The following CDC45 variants were observed in gnomAD, a reference collection of about 807,000 sequenced individuals.
CDC45 encodes cell division control protein 45 homolog.
In CDC45, 54 loss-of-function variants were observed where a neutral mutation model predicts 77.8. The ratio of observed to expected loss-of-function variants is 0.69; its 90% CI spans 0.56 to 0.87. The LOEUF (loss-of-function observed/expected upper bound fraction) is 0.87. Among genes scored for constraint, CDC45 ranks in the 40% least tolerant of loss-of-function variants. CDC45 has a pLI of 0.00. For synonymous variants in CDC45, 260 were observed against 272.1 expected, an observed-to-expected ratio of 0.96 and a Z score of 0.44; for missense variants, 649 against 721.6, an observed-to-expected ratio of 0.90 and a Z score of 1.15.
chr22:19,481,858 G>A (rs1159636186), intron 3 of CDC45, among the ~76,000 whole-genome samples: 1 of 152,174 alleles, frequency 6.6e-6, no homozygotes, highest in Non-Finnish European at 1.5e-5. Context: ...TTCTAGTAGA[G>A]ACGGGGTTTC....
At chr22:19,482,661 C>T in intron 3 of CDC45, 29 bp from the exon 4 acceptor site, 1 of 1,608,604 alleles carries the variant, frequency 6.2e-7, no homozygotes, top group Non-Finnish European at 8.5e-7. Flanking sequence ...CTCGATATAG[C>T]TACTTTACAA....
intron 5 of CDC45, among the ~76,000 whole-genome samples, chr22:19,491,197 TAC>T (rs1475490901): frequency 6.6e-6 from 1 of 152,182 alleles, no homozygotes; most frequent in Non-Finnish European, 1.5e-5. Flanking sequence ...CCTCCACATA[TAC>T]AGTGTTATAA....
In CDC45 at chr22:19,480,563, T is replaced by TGTGACAACTGTGGGTATAGTC. The variant is rs201363891; in HGVS notation, c.111+350_112-366dup. ...ATGGGGGATTTGAGAGAGAGGAATCTGTGACAACTGTGGGTATAGTCGTGT... is the reference window on the plus strand; with the variant it reads ...ATGGGGGATTTGAGAGAGAGGAATCTGTGACAACTGTGGGTATAGTCGTGACAACTGTGGGTATAGTCGTGT... On this transcript the variant is annotated intron_variant, in intron 2 of 18. Transcript: ENST00000263201. 3.3e-3 allele frequency among the ~76,000 whole-genome samples: 508 copies of TGTGACAACTGTGGGTATAGTC among 152,300 alleles called. 18 individuals are homozygous for TGTGACAACTGTGGGTATAGTC. In the East Asian group the frequency reaches 0.068, roughly 20 times the overall value.
intron 17 of CDC45, among the ~76,000 whole-genome samples, chr22:19,518,075 C>A (rs1933899082): frequency 6.6e-6 from 1 of 152,244 alleles, no homozygotes; most frequent in African/African-American, 2.4e-5. Context: ...CATTGGTTCA[C>A]CCCGCACAGC....
chr22:19,482,691 T>C lies in CDC45; in HGVS notation c.206T>C (p.Phe69Ser), dbSNP rs1476248494. 2 of 1,612,544 alleles carry C rather than the reference T, an allele frequency of 1.2e-6. No individual in the cohort carries two copies. Among genetic ancestry groups the C allele is most frequent in the African/African-American group, 2.7e-5 (2 of 74,832 alleles). The stretch of plus-strand genomic sequence containing the variant: ...TTACAATATCTTCCTTTTTTTCAGT[T>C]TCATTATTTTATTCTCATAAACTGT... The part of the protein sequence containing the change: ...ETAFLEHKEQ[F>S]HYFILINCGA... Residue 69 changes from phenylalanine (F) to serine (S), a missense_variant and splice_region_variant, in exon 4 of 19, where the codon TTT becomes TCT. Phe to Ser is a radical substitution (Grantham distance 155). Coordinates refer to ENST00000263201, the MANE Select transcript of CDC45 (RefSeq NM_003504.5).
chr22:19,481,403 G>T (rs2089980645), intron 3 of CDC45, among the ~76,000 whole-genome samples: 1 of 151,852 alleles, frequency 6.6e-6, no homozygotes, highest in African/African-American at 2.4e-5. Flanking sequence ...TTTTGAAACG[G>T]AGTCTCGCTG....
chr22:19,514,692 A>G, intron 13 of CDC45, 57 bp from the exon 14 acceptor site: 2 of 1,461,526 alleles, frequency 1.4e-6, no homozygotes, highest in South Asian at 2.7e-5. Flanking sequence ...TGACTTTGGT[A>G]TTTTACCAAG....
chr22:19,493,387 C>T (rs896136273), intron 5 of CDC45, among the ~76,000 whole-genome samples: 15 of 151,922 alleles, frequency 9.9e-5, no homozygotes, highest in African/African-American at 3.4e-4. Flanking sequence ...GAGTCCCTAA[C>T]TGCTCTGCCT....
rs1299341008 is a variant in CDC45 at position 19,507,531 on chromosome 22, T to C, written c.956+14T>C. 1 of 1,613,644 alleles carries C rather than the reference T, an allele frequency of 6.2e-7. No homozygotes were observed. The highest frequency in any genetic ancestry group is 8.5e-7 in the Non-Finnish European group (1 of 1,179,844). Reference sequence around the variant, plus strand: ...TGCAGACATGGGGTGAGTGACTGCCTGGGCCTCTGCAGTGCCAGCCCTGGC... The same window carrying C: ...TGCAGACATGGGGTGAGTGACTGCCCGGGCCTCTGCAGTGCCAGCCCTGGC... On this transcript the variant is annotated intron_variant, in intron 11 of 18. Transcript: ENST00000263201.
chr22:19,480,869 C>G, intron 2 of CDC45, 84 bp from the exon 3 acceptor site: 1 of 824,774 alleles, frequency 1.2e-6, no homozygotes, highest in Non-Finnish European at 2.0e-6. Context: ...TGTCTCTCAA[C>G]CCGTCTAATC....
chr22:19,518,993 G>T, intron 18 of CDC45, 84 bp downstream of exon 18: 2 of 1,039,320 alleles, frequency 1.9e-6, no homozygotes, highest in East Asian at 2.4e-5. Context: ...CTCCCTCAAC[G>T]GAGGCTTCTA....
intron 13 of CDC45, among the ~76,000 whole-genome samples, chr22:19,514,392 G>C (rs1933667466): frequency 6.6e-6 from 1 of 152,128 alleles, no homozygotes; most frequent in Admixed American, 6.5e-5. Context: ...TTGTGGGGAA[G>C]AGTAAAAATC....
chr22:19,494,600 C>T (rs2090210277), intron 6 of CDC45: 1 of 1,540,284 alleles, frequency 6.5e-7, no homozygotes, highest in African/African-American at 1.4e-5. Flanking sequence ...CAAGGTCTCC[C>T]AGGTACATGC....
intron 17 of CDC45, among the ~76,000 whole-genome samples, chr22:19,517,667 C>A (rs918723858): frequency 6.6e-6 from 1 of 152,150 alleles, no homozygotes; most frequent in East Asian, 1.9e-4. Context: ...CTCCTTGGCT[C>A]ACACAGATGA....
intron 13 of CDC45, 70 bp from the exon 14 acceptor site, chr22:19,514,679 T>C (rs924287361): frequency 1.5e-6 from 2 of 1,346,970 alleles, no homozygotes; most frequent in African/African-American, 2.9e-5. Context: ...AGCAAACTAT[T>C]TGTGACTTTG....
At chr22:19,480,872 G>A (rs557568296) in intron 2 of CDC45, 81 bp from the exon 3 acceptor site, 56 of 872,984 alleles carry the variant, frequency 6.4e-5, no homozygotes, top group South Asian at 6.1e-4. Context: ...CTCTCAACCC[G>A]TCTAATCTTC....
At chr22:19,508,082 T>C (rs1162612797) in intron 12 of CDC45, among the ~76,000 whole-genome samples, 1 of 152,184 alleles carries the variant, frequency 6.6e-6, no homozygotes, top group African/African-American at 2.4e-5. Flanking sequence ...ATAAGACTTC[T>C]TCAAGCTTGT....
chr22:19,484,340 A>G (rs1201475891), intron 5 of CDC45, among the ~76,000 whole-genome samples: 1 of 152,196 alleles, frequency 6.6e-6, no homozygotes, highest in African/African-American at 2.4e-5. Flanking sequence ...ACTGTCTTCT[A>G]GCATCACTTA....
rs533987621 is a variant in CDC45 at position 19,490,664 on chromosome 22, C to T, written c.487-3663C>T. Among the ~76,000 whole-genome samples, 14 of 152,162 alleles carry T rather than the reference C, an allele frequency of 9.2e-5. 1 individual carries two copies. The South Asian group carries it at 2.7e-3, about 29-fold the overall frequency. On this transcript the variant is annotated intron_variant, in intron 5 of 18. Transcript: ENST00000263201. ...GTGCTGGGATTACAGCCACTGCGTCCAGCCTGTTTTCTTTCTTTTTCTTTC... is the reference window on the plus strand; with the variant it reads ...GTGCTGGGATTACAGCCACTGCGTCTAGCCTGTTTTCTTTCTTTTTCTTTC...
Sources: allele counts gnomAD v4.1 joint callset (sites outside exome capture counted in the v4.1 genomes callset), GRCh38; gene constraint gnomAD v4.1.1; transcripts MANE v1.5; gene names NCBI Gene and HGNC (gene_info 2026-07-23, HGNC 2026-07-21).